Variants in PTBP3 observed in about 807,000 individuals in gnomAD.
The protein encoded by PTBP3 is polypyrimidine tract-binding protein 3.
A neutral mutation model predicts 58.7 loss-of-function variants in PTBP3; 20 were observed. That is an observed-to-expected ratio of 0.34 (90% CI 0.24 to 0.50). PTBP3 has a LOEUF of 0.50. Among genes scored for constraint, PTBP3 ranks in the 20% least tolerant of loss-of-function variants. The probability of loss-of-function intolerance (pLI) is 0.98; values close to 1 mark genes in which losing one functional copy is unlikely to be tolerated. For synonymous variants in PTBP3, 185 were observed against 219.8 expected, an observed-to-expected ratio of 0.84 and a Z score of 1.40; for missense variants, 509 against 637.2, an observed-to-expected ratio of 0.80 and a Z score of 2.17.
the PTBP3 span, among the ~76,000 whole-genome samples, chr9:112,360,565 G>A: frequency 3.9e-5 from 6 of 152,132 alleles, no homozygotes; most frequent in East Asian, 9.6e-4. Context: ...AAGAGATGTG[G>A]GACTCTCTCA....
In PTBP3 at chr9:112,222,014, A is replaced by G; in HGVS notation, c.*1837T>C. ...CTGCAGCCTTGAACTCCTGGGCTCA[A>G]GTGATCCTCCTGCCTGTAGCCTCCT... On this transcript the variant is annotated 3_prime_UTR_variant, in exon 14 of 14. Transcript: ENST00000374257. 1.1e-6 allele frequency: 1 copy of G among 933,200 alleles called. No homozygotes were observed. The highest frequency in any genetic ancestry group is 1.3e-6 in the Non-Finnish European group (1 of 782,044). 57.8% of individuals were successfully genotyped at this position (933,200 alleles called of 1,614,324 possible). A position where few individuals can be genotyped will look rare whatever the true frequency, so the allele number is the denominator to read the frequency against.
At chr9:112,240,853 G>GT (rs1367727227) in intron 7 of PTBP3, among the ~76,000 whole-genome samples, 1 of 151,792 alleles carries the variant, frequency 6.6e-6, no homozygotes, top group Admixed American at 6.6e-5. Context: ...GCTAACGTGT[G>GT]TATGTGTCTT....
chr9:112,347,159 T>C, the PTBP3 span, among the ~76,000 whole-genome samples: 1 of 152,174 alleles, frequency 6.6e-6, no homozygotes, highest in Admixed American at 6.5e-5. Flanking sequence ...ACCTAATTTA[T>C]CTATTTTATT....
the PTBP3 span, among the ~76,000 whole-genome samples, chr9:112,362,348 T>C: frequency 1.3e-5 from 2 of 152,174 alleles, no homozygotes; most frequent in African/African-American, 4.8e-5. Context: ...CATTTTTTAG[T>C]TGGGTTGTTC....
chr9:112,313,716 G>C (rs975630372), intron 1 of PTBP3, among the ~76,000 whole-genome samples: 1 of 152,178 alleles, frequency 6.6e-6, no homozygotes, highest in Admixed American at 6.5e-5. Context: ...TGAGCAAAAA[G>C]AAAGCAAAGC....
At chr9:112,285,549 T>A (rs886601285) in intron 2 of PTBP3, among the ~76,000 whole-genome samples, 7 of 152,206 alleles carry the variant, frequency 4.6e-5, no homozygotes, top group African/African-American at 1.7e-4. Flanking sequence ...CTACCAACTT[T>A]TTCTTAAAGG....
At chr9:112,239,663 C>G (rs1398593591) in intron 7 of PTBP3, among the ~76,000 whole-genome samples, 1 of 151,510 alleles carries the variant, frequency 6.6e-6, no homozygotes, top group African/African-American at 2.4e-5. Flanking sequence ...CCCAGGAGTT[C>G]CAGGCTGCAG....
chr9:112,348,592 G>A, the PTBP3 span, among the ~76,000 whole-genome samples: 1 of 152,352 alleles, frequency 6.6e-6, no homozygotes, highest in Admixed American at 6.5e-5. Context: ...CGGGAGAGCG[G>A]AGGCAACCGC....
chr9:112,228,213 T>C (rs1324811871), intron 11 of PTBP3, among the ~76,000 whole-genome samples, 167 bp downstream of exon 11: 1 of 152,194 alleles, frequency 6.6e-6, no homozygotes, highest in Non-Finnish European at 1.5e-5. Flanking sequence ...GAGTGATGAA[T>C]ATTTTTTAAC....
the PTBP3 span, among the ~76,000 whole-genome samples, chr9:112,351,620 T>C: frequency 6.6e-6 from 1 of 152,256 alleles, no homozygotes; most frequent in Non-Finnish European, 1.5e-5. Flanking sequence ...AATTCTTCTG[T>C]ACAGATGATT....
chr9:112,371,410 A>G, the PTBP3 span, among the ~76,000 whole-genome samples: 2 of 152,162 alleles, frequency 1.3e-5, no homozygotes, highest in African/African-American at 4.8e-5. Context: ...TTGCACTTGG[A>G]TTTTTCACGT....
At chr9:112,282,613 T>A (rs571388617) in intron 2 of PTBP3, among the ~76,000 whole-genome samples, 8 of 152,316 alleles carry the variant, frequency 5.3e-5, no homozygotes, top group Non-Finnish European at 8.8e-5. Flanking sequence ...TTGTGACAAC[T>A]TCTTTGATCA....
the PTBP3 span, among the ~76,000 whole-genome samples, chr9:112,356,616 T>C: frequency 3.3e-5 from 5 of 150,454 alleles, no homozygotes; most frequent in African/African-American, 4.9e-5. Flanking sequence ...GCTTGATCCA[T>C]GTAGTCACTC....
At chr9:112,311,678 G>A (rs1442237485) in intron 1 of PTBP3, among the ~76,000 whole-genome samples, 1 of 152,206 alleles carries the variant, frequency 6.6e-6, no homozygotes, top group African/African-American at 2.4e-5. Context: ...GCCAGGCACA[G>A]TGTATCAGGC....
At chr9:112,276,051 TAA>T in intron 2 of PTBP3, 38 bp from the exon 3 acceptor site, 1 of 1,560,312 alleles carries the variant, frequency 6.4e-7, no homozygotes, top group African/African-American at 1.4e-5. Context: ...TTACTGCAAC[TAA>T]TTTGGGTTGA....
the PTBP3 span, among the ~76,000 whole-genome samples, chr9:112,363,532 A>ACACT: frequency 1.3e-3 from 163 of 123,494 alleles, no homozygotes; most frequent in African/African-American, 5.2e-3. Flanking sequence ...ACACACACAC[A>ACACT]CACACACACA....
At chr9:112,353,792 C>A in the PTBP3 span, among the ~76,000 whole-genome samples, 1 of 151,550 alleles carries the variant, frequency 6.6e-6, no homozygotes, top group Admixed American at 6.6e-5. Context: ...CCCATCTCTG[C>A]CAAAAATACA....
chr9:112,330,003 G>T (rs1040325912), intron 1 of PTBP3, among the ~76,000 whole-genome samples: 1 of 151,802 alleles, frequency 6.6e-6, no homozygotes, highest in African/African-American at 2.4e-5. Context: ...GCACCACCAT[G>T]CCCGGCTAAT....
At chr9:112,271,154 T>C (rs554474317) in intron 3 of PTBP3, among the ~76,000 whole-genome samples, 1 of 152,284 alleles carries the variant, frequency 6.6e-6, no homozygotes, top group South Asian at 2.1e-4. Context: ...TACTGAGGCA[T>C]TCATTAAAAC....
Sources: gnomAD v4.1 joint callset for allele counts (sites outside exome capture counted in the v4.1 genomes callset) on GRCh38, gnomAD v4.1.1 for gene constraint, MANE v1.5 for transcripts, NCBI Gene and HGNC (gene_info 2026-07-23, HGNC 2026-07-21) for gene names.